The following CHD9 variants were observed in gnomAD, a reference collection of about 807,000 sequenced individuals.
CHD9 encodes ATP-dependent chromatin remodeler CHD9.
In CHD9, 77 loss-of-function variants were observed where a neutral mutation model predicts 316.1. That is an observed-to-expected ratio of 0.24 (90% CI 0.20 to 0.29). The LOEUF is 0.29. Among genes scored for constraint, CHD9 ranks in the 10% least tolerant of loss-of-function variants. CHD9 has a pLI of 1.00. For missense variants in CHD9, 2,763 were observed against 3,438.1 expected (o/e 0.80, Z 4.91); for synonymous variants, 1,129 against 1,158.3 (o/e 0.97, Z 0.51).
chr16:53,323,967 C>T, intron 38 of CHD9, 53 bp from the exon 39 acceptor site: 2 of 1,410,890 alleles, frequency 1.4e-6, no homozygotes, highest in South Asian at 2.6e-5. Context: ...AAGCTAATAA[C>T]TCTTTATTTT....
rs577163932 is a variant in CHD9, at chr16:53,258,022, G to GTTGTT, written c.4209+2256_4209+2260dup. On this transcript the variant is annotated intron_variant, in intron 19 of 38. Transcript: ENST00000447540. ...ACATGGAGATACTGTCCTTAAAGTT[G>GTTGTT]TTGTTTTGTTTTGTTTTTAATTAAT... 4.9e-3 allele frequency among the ~76,000 whole-genome samples: 741 copies of GTTGTT among 152,170 alleles called. 4 individuals are homozygous for GTTGTT. The highest frequency in any genetic ancestry group is 0.017 in the African/African-American group (706 of 41,550).
chr16:53,115,451 A>C (rs889760537), intron 1 of CHD9, among the ~76,000 whole-genome samples: 4 of 152,254 alleles, frequency 2.6e-5, no homozygotes, highest in African/African-American at 9.6e-5. Flanking sequence ...GAGGTTGGTG[A>C]ATCTCCTAAT....
intron 12 of CHD9, among the ~76,000 whole-genome samples, chr16:53,241,666 C>T (rs2049106830): frequency 1.3e-5 from 2 of 152,214 alleles, no homozygotes; most frequent in African/African-American, 4.8e-5. Flanking sequence ...TCCTCTATCT[C>T]ACTCCATACT....
chr16:53,287,382 TA>T (rs1259801405), intron 26 of CHD9, among the ~76,000 whole-genome samples: 1 of 152,256 alleles, frequency 6.6e-6, no homozygotes, highest in Non-Finnish European at 1.5e-5. Flanking sequence ...TGTCTTTTCT[TA>T]CCCAAAGAGA....
intron 2 of CHD9, among the ~76,000 whole-genome samples, chr16:53,175,842 T>C (rs1405075286): frequency 6.6e-6 from 1 of 152,204 alleles, no homozygotes; most frequent in African/African-American, 2.4e-5. Flanking sequence ...GATCTTATCA[T>C]CTACTGTTTT....
Position 53,255,596 on chromosome 16 carries a change from T to G in CHD9, c.4030-4T>G. 6.2e-7 allele frequency: 1 copy of G among 1,608,712 alleles called. No individual in the cohort carries two copies. Among genetic ancestry groups the G allele is most frequent in the Non-Finnish European group, 8.5e-7 (1 of 1,178,130 alleles). ...TATTTTTATGGAAGTTAATTTCTCC[T>G]TAGATTCAGCAGCTTTCCAAAAAGG... On this transcript the variant is annotated splice_polypyrimidine_tract_variant and splice_region_variant and intron_variant, in intron 18 of 38. Coordinates refer to ENST00000447540, the MANE Select transcript of CHD9 (RefSeq NM_001308319.2).
At chr16:53,057,362 G>A (rs1321865276) in intron 1 of CHD9, among the ~76,000 whole-genome samples, 1 of 149,366 alleles carries the variant, frequency 6.7e-6, no homozygotes, top group African/African-American at 2.5e-5. Context: ...AAAAAAAAAA[G>A]AGGAAAAAAG....
chr16:53,095,288 A>G (rs1327931160), intron 1 of CHD9, among the ~76,000 whole-genome samples: 10 of 152,170 alleles, frequency 6.6e-5, no homozygotes. Flanking sequence ...GTTCATACCT[A>G]TAATATCAGC....
intron 27 of CHD9, among the ~76,000 whole-genome samples, 152 bp from the exon 28 acceptor site, chr16:53,291,573 C>G (rs954707227): frequency 2.6e-5 from 4 of 152,146 alleles, no homozygotes; most frequent in African/African-American, 7.2e-5. Context: ...TGAGAATAAG[C>G]AGTTGAAAGT....
At chr16:53,252,616 C>G (rs1274341694) in intron 17 of CHD9, among the ~76,000 whole-genome samples, 1 of 151,432 alleles carries the variant, frequency 6.6e-6, no homozygotes, top group Non-Finnish European at 1.5e-5. Context: ...ACAGACAACC[C>G]ACAGAGTGGG....
chr16:53,157,526 A>G lies in CHD9; in HGVS notation c.1437A>G (p.Leu479=), dbSNP rs1182379484. Residue 479 remains leucine (L), a synonymous_variant, in exon 2 of 39, where the codon CTA becomes CTG. Transcript: ENST00000447540. Reference sequence around the variant, plus strand: ...AGCATTTACATGACAGAAATCACCTATGTTTACAGCGACAGGTATGTAGCT... The same window carrying G: ...AGCATTTACATGACAGAAATCACCTGTGTTTACAGCGACAGGTATGTAGCT... ...NHQHLHDRNH[L]CLQRQPPSSK... The G allele has an allele frequency of 2.5e-6, 4 of 1,611,932 alleles. No homozygotes were observed. The highest frequency in any genetic ancestry group is 3.4e-6 in the Non-Finnish European group (4 of 1,178,434).
At chr16:53,294,875 T>C (rs16952141) in intron 29 of CHD9, among the ~76,000 whole-genome samples, 47,274 of 152,162 alleles carry the variant, frequency 0.31, 7,504 homozygotes, top group Middle Eastern at 0.39. Flanking sequence ...TCATAACATT[T>C]GATGGCTCCT....
intron 4 of CHD9, chr16:53,223,465 G>C (rs2047408434): frequency 6.6e-6 from 1 of 152,548 alleles, no homozygotes; most frequent in Non-Finnish European, 1.5e-5. Context: ...TATCCAATGG[G>C]AGAGTAGTGG....
At chr16:53,128,574 A>G (rs1370762118) in intron 1 of CHD9, among the ~76,000 whole-genome samples, 2 of 152,158 alleles carry the variant, frequency 1.3e-5, no homozygotes, top group Non-Finnish European at 2.9e-5. Flanking sequence ...CCTGGTGGAA[A>G]TGGTAGGCCA....
chr16:53,271,598 A>G (rs1191835752), intron 22 of CHD9, among the ~76,000 whole-genome samples: 2 of 150,906 alleles, frequency 1.3e-5, no homozygotes, highest in African/African-American at 2.4e-5. Context: ...AAAGAAAAAG[A>G]AAAAAAAACA....
chr16:53,285,072 TTGAG>T (rs1476185983), intron 24 of CHD9, among the ~76,000 whole-genome samples: 1 of 152,166 alleles, frequency 6.6e-6, no homozygotes, highest in African/African-American at 2.4e-5. Context: ...TGGCCTACAC[TTGAG>T]TGTTTCAATC....
chr16:53,106,649 C>T (rs894674011), intron 1 of CHD9, among the ~76,000 whole-genome samples: 1 of 93,976 alleles, frequency 1.1e-5, no homozygotes, highest in Admixed American at 9.6e-5. Context: ...GCCTCAGACA[C>T]ACATACATAC....
At chr16:53,158,427 A>G (rs1331231215) in intron 2 of CHD9, among the ~76,000 whole-genome samples, 1 of 152,210 alleles carries the variant, frequency 6.6e-6, no homozygotes, top group East Asian at 1.9e-4. Context: ...AGTAAGGTTA[A>G]GAGTGTGGCC....
At chr16:53,310,848 T>A (rs1469513047) in intron 34 of CHD9, 2 of 134,028 alleles carry the variant, frequency 1.5e-5, no homozygotes, top group Non-Finnish European at 3.1e-5. Context: ...CGAAACCCTG[T>A]CTCAAAAACA....
Sources: gnomAD v4.1 joint callset for allele counts (sites outside exome capture counted in the v4.1 genomes callset) on GRCh38, gnomAD v4.1.1 for gene constraint, MANE v1.5 for transcripts, NCBI Gene and HGNC (gene_info 2026-07-23, HGNC 2026-07-21) for gene names.